Variants in NRF1 observed in about 807,000 individuals in gnomAD.
The protein encoded by NRF1 is alpha palindromic-binding protein.
A neutral mutation model predicts 58.5 loss-of-function variants in NRF1; 5 were observed. The ratio of observed to expected loss-of-function variants is 0.09; its 90% confidence interval spans 0.04 to 0.18. The LOEUF (loss-of-function observed/expected upper bound fraction) is 0.18, where lower values mean the gene tolerates loss of function less well. Ranked by LOEUF, NRF1 falls within the 10% of genes least tolerant of loss-of-function variation. The pLI is 1.00. For synonymous variants in NRF1, 224 were observed against 246.7 expected, an observed-to-expected ratio of 0.91 and a Z score of 0.86; for missense variants, 288 against 657.7, an observed-to-expected ratio of 0.44 and a Z score of 6.15.
intron 4 of NRF1, among the ~76,000 whole-genome samples, chr7:129,682,929 C>G (rs1188548132): frequency 6.6e-6 from 1 of 152,028 alleles, no homozygotes; most frequent in South Asian, 2.1e-4. Context: ...TACTACCAGG[C>G]CTCAAATAAT....
At chr7:129,670,426 TGC>T (rs1349268908) in intron 2 of NRF1, among the ~76,000 whole-genome samples, 1 of 152,230 alleles carries the variant, frequency 6.6e-6, no homozygotes, top group African/African-American at 2.4e-5. Context: ...AAAAAGCAGT[TGC>T]TTATTTTTTA....
At chr7:129,728,063 G>A (rs1052928530) in intron 10 of NRF1, among the ~76,000 whole-genome samples, 3 of 152,184 alleles carry the variant, frequency 2.0e-5, no homozygotes, top group African/African-American at 7.2e-5. Flanking sequence ...GAGTCAGTTG[G>A]CAAGACAAGC....
At chr7:129,671,579 CA>C in intron 3 of NRF1, 36 bp downstream of exon 3, 2 of 1,101,040 alleles carry the variant, frequency 1.8e-6, no homozygotes, top group Non-Finnish European at 2.8e-6. Context: ...TACTATTCCT[CA>C]AATACTTCCT....
intron 1 of NRF1, among the ~76,000 whole-genome samples, chr7:129,627,220 T>G (rs1562952742): frequency 6.6e-6 from 1 of 152,110 alleles, no homozygotes; most frequent in Non-Finnish European, 1.5e-5. Flanking sequence ...GTTAATTAAT[T>G]AATTTTTTGA....
intron 1 of NRF1, among the ~76,000 whole-genome samples, chr7:129,630,987 C>G (rs990909044): frequency 1.3e-5 from 2 of 151,978 alleles, no homozygotes. Context: ...ATGCTGAGGA[C>G]CAGTAAATGA....
At chr7:129,638,994 A>T (rs1801230022) in intron 1 of NRF1, among the ~76,000 whole-genome samples, 1 of 152,084 alleles carries the variant, frequency 6.6e-6, no homozygotes, top group Non-Finnish European at 1.5e-5. Flanking sequence ...TTTTGATTAT[A>T]TGGCATCTTT....
chr7:129,731,534 C>T (rs1338762382), intron 10 of NRF1, among the ~76,000 whole-genome samples: 1 of 152,182 alleles, frequency 6.6e-6, no homozygotes, highest in African/African-American at 2.4e-5. Context: ...TAAAGATTTT[C>T]ACAGATGCCT....
intron 5 of NRF1, among the ~76,000 whole-genome samples, chr7:129,693,367 T>G (rs1802613606): frequency 6.6e-6 from 1 of 152,214 alleles, no homozygotes; most frequent in African/African-American, 2.4e-5. Flanking sequence ...GTTGGATTCA[T>G]AGCCCTTTCT....
chr7:129,684,093 A>C (rs1802390530), intron 4 of NRF1, among the ~76,000 whole-genome samples: 1 of 152,116 alleles, frequency 6.6e-6, no homozygotes, highest in Non-Finnish European at 1.5e-5. Context: ...AAAGAAAGAA[A>C]CTCCATCTAG....
intron 9 of NRF1, among the ~76,000 whole-genome samples, chr7:129,723,430 C>T (rs910759913): frequency 4.1e-5 from 6 of 146,892 alleles, no homozygotes; most frequent in Admixed American, 6.8e-5. Flanking sequence ...GCAACAAGAG[C>T]GAAACTCTAT....
chr7:129,681,652 C>T (rs1802312338), intron 4 of NRF1, among the ~76,000 whole-genome samples: 1 of 152,176 alleles, frequency 6.6e-6, no homozygotes, highest in African/African-American at 2.4e-5. Flanking sequence ...CAGCTCACTG[C>T]AATCTCCTCC....
chr7:129,648,501 T>TACC (rs1194833993), intron 1 of NRF1, among the ~76,000 whole-genome samples: 3 of 151,932 alleles, frequency 2.0e-5, no homozygotes, highest in Non-Finnish European at 2.9e-5. Context: ...GGATGGTCTC[T>TACC]ACCTCCTGAC....
intron 4 of NRF1, among the ~76,000 whole-genome samples, chr7:129,682,630 TAAAAAAAA>T (rs771494622): frequency 2.3e-5 from 2 of 87,870 alleles, no homozygotes; most frequent in African/African-American, 3.7e-5. Context: ...CAAAAAAATG[TAAAAAAAA>T]AAAAAAAAAA....
In NRF1 at chr7:129,717,722, G is replaced by A. The variant is rs1471597187; in HGVS notation, c.1223+346G>A. Among the ~76,000 whole-genome samples the A allele has an allele frequency of 2.6e-5, 4 of 152,254 alleles. No individual in the cohort carries two copies. In the East Asian group the frequency reaches 7.7e-4, roughly 29 times the overall value. On this transcript the variant is annotated intron_variant, in intron 9 of 10. Transcript: ENST00000393232. ...CATTCTTCACTCCTGCCGCCACCCA[G>A]CCCCAACAACCAGTGTAGCCTTTCT...
chr7:129,705,060 T>C (rs1283920091), intron 5 of NRF1, among the ~76,000 whole-genome samples: 1 of 152,244 alleles, frequency 6.6e-6, no homozygotes, highest in African/African-American at 2.4e-5. Context: ...ACCTAAATTT[T>C]ATAACAAATT....
chr7:129,751,781 G>T (rs528170012), intron 10 of NRF1, among the ~76,000 whole-genome samples: 1 of 152,368 alleles, frequency 6.6e-6, no homozygotes, highest in South Asian at 2.1e-4. Flanking sequence ...CCAGTATGTG[G>T]GTTCCCTGGA....
intron 10 of NRF1, among the ~76,000 whole-genome samples, chr7:129,730,175 A>G (rs946172883): frequency 6.6e-6 from 1 of 151,840 alleles, no homozygotes; most frequent in African/African-American, 2.4e-5. Context: ...CCAGTAGGTC[A>G]CATTTTTTTT....
chr7:129,750,505 G>GGGGGA (rs112121940), intron 10 of NRF1, among the ~76,000 whole-genome samples: 2 of 151,644 alleles, frequency 1.3e-5, no homozygotes, highest in Non-Finnish European at 2.9e-5. Context: ...AATCCCTACA[G>GGGGGA]TGGTCATGCA....
At chr7:129,620,369 G>A (rs35240725) in intron 1 of NRF1, among the ~76,000 whole-genome samples, 19,649 of 150,780 alleles carry the variant, frequency 0.13, 1,631 homozygotes, top group Admixed American at 0.23. Context: ...AGGCTTTATG[G>A]GGTAGGGGAA....
Sources: gnomAD v4.1 joint callset for allele counts (sites outside exome capture counted in the v4.1 genomes callset) on GRCh38, gnomAD v4.1.1 for gene constraint, MANE v1.5 for transcripts, NCBI Gene and HGNC (gene_info 2026-07-23, HGNC 2026-07-21) for gene names.